The following SCAMP1 variants were observed in gnomAD, a reference collection of about 807,000 sequenced individuals.
SCAMP1 encodes secretory carrier membrane protein 1, also known as secretory carrier-associated membrane protein 1.
SCAMP1 carries 15 observed loss-of-function variants against 41.8 expected under a neutral mutation model. The observed-to-expected ratio is 0.36, with a 90% CI of 0.24 to 0.55. The LOEUF (loss-of-function observed/expected upper bound fraction) is 0.55. Among genes scored for constraint, SCAMP1 ranks in the 20% least tolerant of loss-of-function variants. The pLI, the probability that SCAMP1 is intolerant of heterozygous loss-of-function variation, is 0.86. For synonymous variants in SCAMP1, 135 were observed against 136.8 expected, an observed-to-expected ratio of 0.99 and a Z score of 0.09; for missense variants, 341 against 412.6, an observed-to-expected ratio of 0.83 and a Z score of 1.50.
chr5:78,447,942 TC>T, intron 6 of SCAMP1, among the ~76,000 whole-genome samples: 1 of 46,594 alleles, frequency 2.1e-5, no homozygotes, highest in Admixed American at 2.1e-4. Context: ...CCTCCCTCCT[TC>T]CCCCTCTTTC....
intron 1 of SCAMP1, among the ~76,000 whole-genome samples, chr5:78,368,657 C>G (rs1750859187): frequency 6.6e-6 from 1 of 152,094 alleles, no homozygotes; most frequent in Non-Finnish European, 1.5e-5. Flanking sequence ...TTTGAAAATA[C>G]TAGGATATGC....
chr5:78,431,230 T>C (rs1011319268), intron 6 of SCAMP1, among the ~76,000 whole-genome samples: 1 of 151,916 alleles, frequency 6.6e-6, no homozygotes, highest in Non-Finnish European at 1.5e-5. Context: ...CTGCTCTTGT[T>C]GGGTAAAATG....
At chr5:78,401,991 A>G (rs1751810795) in intron 2 of SCAMP1, among the ~76,000 whole-genome samples, 1 of 151,584 alleles carries the variant, frequency 6.6e-6, no homozygotes, top group Non-Finnish European at 1.5e-5. Context: ...CCCTGCTTTC[A>G]CAGCATCCCA....
At position 78,421,814 on chromosome 5, in the gene SCAMP1, ACT is replaced by A; in HGVS notation, c.487_488del (p.Leu163ValfsTer14). 1 of 1,613,700 alleles carries A rather than the reference ACT, an allele frequency of 6.2e-7. No individual in the cohort carries two copies. Among genetic ancestry groups the A allele is most frequent in the Non-Finnish European group, 8.5e-7 (1 of 1,179,778 alleles). Reference protein sequence around the residue: ...YYLWMFHAVTLFLNIFGCLAW... With the variant: ...YYLWMFHAVTXFLNIFGCLAW... ...CTGATTCCACAGTCCATGCAGTAAC[ACT>A]GTTTCTAAATATCTTCGGATGCTTG... On this transcript the variant is annotated frameshift_variant, in exon 6 of 9. Coordinates refer to ENST00000621999, the MANE Select transcript of SCAMP1 (RefSeq NM_004866.6). LOFTEE classifies it high-confidence loss of function.
At chr5:78,449,418 C>T (rs915541767) in intron 6 of SCAMP1, among the ~76,000 whole-genome samples, 4 of 151,980 alleles carry the variant, frequency 2.6e-5, no homozygotes, top group Non-Finnish European at 4.4e-5. Context: ...ATATATGATC[C>T]CATTTATATA....
chr5:78,368,158 T>C (rs1190043064), intron 1 of SCAMP1, among the ~76,000 whole-genome samples: 1 of 152,216 alleles, frequency 6.6e-6, no homozygotes, highest in Non-Finnish European at 1.5e-5. Context: ...ACATTTGTCA[T>C]TCTTTTTGAG....
At chr5:78,460,808 C>T (rs752506496) in intron 8 of SCAMP1, among the ~76,000 whole-genome samples, 6,094 of 23,052 alleles carry the variant, frequency 0.26, 1,321 homozygotes, top group East Asian at 0.64. Context: ...TTCCTTCCTC[C>T]CTTCCTTCCT....
chr5:78,379,861 A>G (rs1392523112), intron 1 of SCAMP1, among the ~76,000 whole-genome samples: 1 of 152,096 alleles, frequency 6.6e-6, no homozygotes, highest in Non-Finnish European at 1.5e-5. Context: ...CCTACATTCT[A>G]TCTCCCTCCT....
chr5:78,363,715 A>G (rs1005950863), intron 1 of SCAMP1, among the ~76,000 whole-genome samples: 3 of 152,144 alleles, frequency 2.0e-5, no homozygotes, highest in Non-Finnish European at 2.9e-5. Context: ...GTGCCGTATC[A>G]TGAAAGTAGT....
rs189682268 is a variant in SCAMP1 at position 78,376,071 on chromosome 5, A to G, written c.58-12766A>G. On this transcript the variant is annotated intron_variant, in intron 1 of 8. Transcript: ENST00000621999. ...ACCCCCTCCCCTTTTGAAATCCTTA[A>G]TAAAAACCTGCTGGTTTTGAGGCTC... 4.8e-3 allele frequency among the ~76,000 whole-genome samples: 723 copies of G among 151,972 alleles called. 4 individuals are homozygous for G. Among genetic ancestry groups the G allele is most frequent in the African/African-American group, 0.016 (672 of 41,322 alleles).
At chr5:78,362,151 C>CA (rs765659907) in intron 1 of SCAMP1, among the ~76,000 whole-genome samples, 3 of 151,844 alleles carry the variant, frequency 2.0e-5, no homozygotes, top group Non-Finnish European at 2.9e-5. Flanking sequence ...TGTGGAAAAT[C>CA]AGGTAGTTCT....
intron 8 of SCAMP1, among the ~76,000 whole-genome samples, chr5:78,469,569 A>G (rs1446328319): frequency 6.6e-6 from 1 of 152,008 alleles, no homozygotes; most frequent in South Asian, 2.1e-4. Context: ...CTAGGTTACT[A>G]TAACTAAATT....
intron 2 of SCAMP1, among the ~76,000 whole-genome samples, chr5:78,413,067 T>TC (rs1752120890): frequency 6.6e-6 from 1 of 152,132 alleles, no homozygotes; most frequent in Admixed American, 6.5e-5. Flanking sequence ...TCCCTGAAAG[T>TC]GTTTAAGTTT....
chr5:78,381,244 T>A (rs776785618), intron 1 of SCAMP1, among the ~76,000 whole-genome samples: 2 of 152,154 alleles, frequency 1.3e-5, no homozygotes, highest in Non-Finnish European at 2.9e-5. Context: ...ATCAGAAAGA[T>A]CATTGCTTAG....
intron 2 of SCAMP1, among the ~76,000 whole-genome samples, chr5:78,409,447 A>ACACG (rs3058262): frequency 6.7e-6 from 1 of 148,960 alleles, no homozygotes; most frequent in Non-Finnish European, 1.5e-5. Flanking sequence ...ACACACACAC[A>ACACG]CGCATACACG....
intron 8 of SCAMP1, among the ~76,000 whole-genome samples, chr5:78,466,000 G>A (rs1485872759): frequency 6.6e-6 from 1 of 152,238 alleles, no homozygotes; most frequent in African/African-American, 2.4e-5. Context: ...CTAGGTTAGT[G>A]TTTGATTGAA....
chr5:78,472,568 C>G (rs1753911082), intron 8 of SCAMP1, among the ~76,000 whole-genome samples: 1 of 151,982 alleles, frequency 6.6e-6, no homozygotes. Flanking sequence ...TCATGGGGCC[C>G]TGAAATCAAG....
At chr5:78,447,360 C>CA (rs1554045797) in intron 6 of SCAMP1, among the ~76,000 whole-genome samples, 7 of 151,782 alleles carry the variant, frequency 4.6e-5, no homozygotes, top group Non-Finnish European at 1.5e-5. Context: ...AATTTGAAGA[C>CA]TTACTAGAAA....
chr5:78,385,316 T>A (rs545096168), intron 1 of SCAMP1, among the ~76,000 whole-genome samples: 17 of 152,276 alleles, frequency 1.1e-4, no homozygotes, highest in Non-Finnish European at 1.2e-4. Context: ...TTTCTAATTA[T>A]GCTTATTTGG....
Sources: allele counts gnomAD v4.1 joint callset (sites outside exome capture counted in the v4.1 genomes callset), GRCh38; gene constraint gnomAD v4.1.1; transcripts MANE v1.5; gene names NCBI Gene and HGNC (gene_info 2026-07-23, HGNC 2026-07-21).